Variants in OR7C1 observed in about 807,000 individuals in gnomAD.
OR7C1 encodes olfactory receptor family 7 subfamily C member 1.
For missense variants in OR7C1, 324 were observed against 383.3 expected (o/e 0.85, Z 1.29); for synonymous variants, 152 against 160.7 (o/e 0.95, Z 0.41).
intron 1 of OR7C1, chr19:14,827,565 T>C (rs1266268683): frequency 3.7e-6 from 6 of 1,613,990 alleles, no homozygotes; most frequent in South Asian, 1.1e-5. Context: ...TGAGATTGCA[T>C]GTATGGAAGA....
At chr19:14,831,731 C>T (rs1224036961) in intron 1 of OR7C1, among the ~76,000 whole-genome samples, 2 of 149,814 alleles carry the variant, frequency 1.3e-5, no homozygotes, top group African/African-American at 2.5e-5. Context: ...GCGTGAGCCA[C>T]CGCGCCTGGC....
chr19:14,824,561 T>C (rs1599922046), intron 1 of OR7C1: 1 of 152,332 alleles, frequency 6.6e-6, no homozygotes, highest in East Asian at 1.9e-4. Context: ...TGTTTTTTTC[T>C]TTTTTATGGC....
At chr19:14,831,164 T>C (rs1254792224) in intron 1 of OR7C1, among the ~76,000 whole-genome samples, 5 of 152,146 alleles carry the variant, frequency 3.3e-5, no homozygotes, top group Admixed American at 6.5e-5. Flanking sequence ...CTGCTACCCA[T>C]GACAAAAACT....
chr19:14,801,972 G>A (rs1324409967), intron 2 of OR7C1, among the ~76,000 whole-genome samples: 3 of 152,188 alleles, frequency 2.0e-5, no homozygotes, highest in Non-Finnish European at 2.9e-5. Context: ...AATTCGAGAT[G>A]AGATTTGGGT....
chr19:14,799,374 C>T, exon 5 of OR7C1: 1 of 1,614,126 alleles, frequency 6.2e-7, no homozygotes, highest in Non-Finnish European at 8.5e-7. Flanking sequence ...ACCCCAAAGC[C>T]CGTGCCATAG....
intron 1 of OR7C1, among the ~76,000 whole-genome samples, chr19:14,811,523 C>T (rs950796206): frequency 6.6e-6 from 1 of 151,966 alleles, no homozygotes; most frequent in Non-Finnish European, 1.5e-5. Context: ...TGTAAAGACT[C>T]TTCATCCAAA....
intron 1 of OR7C1, chr19:14,827,383 G>T (rs1389129365): frequency 1.2e-6 from 2 of 1,613,456 alleles, no homozygotes; most frequent in Non-Finnish European, 1.7e-6. Flanking sequence ...TAGATAAAGG[G>T]GTTCAGCATG....
At chr19:14,828,228 T>C in intron 1 of OR7C1, 3 of 1,611,086 alleles carry the variant, frequency 1.9e-6, no homozygotes, top group Non-Finnish European at 2.5e-6. Context: ...TTGTGTATCA[T>C]TTCCTGGTTC....
chr19:14,805,862 A>G (rs1313153683), intron 2 of OR7C1, among the ~76,000 whole-genome samples: 1 of 151,878 alleles, frequency 6.6e-6, no homozygotes, highest in African/African-American at 2.4e-5. Context: ...AGCTATTTTT[A>G]TTATCCCATT....
At chr19:14,809,534 A>G (rs1232081394) in intron 2 of OR7C1, among the ~76,000 whole-genome samples, 1 of 151,740 alleles carries the variant, frequency 6.6e-6, no homozygotes, top group Non-Finnish European at 1.5e-5. Context: ...AGAAACAGAG[A>G]TTGGAAGCAA....
rs2044688118 is a variant in OR7C1, at chr19:14,810,882, T to C, written c.-622-889A>G. On this transcript the variant is annotated intron_variant, in intron 1 of 4. Transcript: ENST00000641666. ...TCTTCATCTGGGCTAAACACATTCA[T>C]ATTTTTAATCCACATGATCTAATTT... Among the ~76,000 whole-genome samples, 2 of 151,650 alleles carry C rather than the reference T, an allele frequency of 1.3e-5. 1 individual carries two copies. The highest frequency in any genetic ancestry group is 4.9e-5 in the African/African-American group (2 of 41,226).
intron 1 of OR7C1, among the ~76,000 whole-genome samples, chr19:14,829,280 T>C (rs1452116640): frequency 6.6e-6 from 1 of 152,244 alleles, no homozygotes; most frequent in Non-Finnish European, 1.5e-5. Context: ...CTCAGATCAC[T>C]GCAACCTCCA....
intron 2 of OR7C1, among the ~76,000 whole-genome samples, chr19:14,806,122 A>G (rs1206236098): frequency 6.6e-6 from 1 of 151,918 alleles, no homozygotes; most frequent in Non-Finnish European, 1.5e-5. Flanking sequence ...GACAAGGTTT[A>G]CTGCTATTTT....
chr19:14,809,075 T>C (rs8112045), intron 2 of OR7C1, among the ~76,000 whole-genome samples: 24,933 of 151,994 alleles, frequency 0.16, 2,233 homozygotes, highest in Non-Finnish European at 0.18. Context: ...ATCAATGGTG[T>C]GTTTCGAGTG....
Position 14,804,294 on chromosome 19 carries a change from T to A in OR7C1, c.-434-3530A>T, listed in dbSNP as rs373027009. ...CTGTTTAAGGAAATCTCTTATCAAA[T>A]CACTCTCTGGCCATTAAGCTAACAG... On this transcript the variant is annotated intron_variant, in intron 2 of 4. Transcript: ENST00000641666. 1.4e-4 allele frequency among the ~76,000 whole-genome samples: 21 copies of A among 152,294 alleles called. 1 individual carries two copies. Among genetic ancestry groups the A allele is most frequent in the African/African-American group, 5.1e-4 (21 of 41,562 alleles).
intron 1 of OR7C1, among the ~76,000 whole-genome samples, chr19:14,811,698 G>A (rs114543978): frequency 1.8e-4 from 28 of 152,068 alleles, no homozygotes; most frequent in African/African-American, 6.0e-4. Flanking sequence ...CCAGCTTAGA[G>A]GGTAGATTCA....
At position 14,800,154 on chromosome 19, in the gene OR7C1, C is replaced by T. The variant is rs1264552493; in HGVS notation, c.-13-5G>A. On this transcript the variant is annotated splice_region_variant and splice_polypyrimidine_tract_variant and intron_variant, in intron 4 of 4. Transcript: ENST00000641666. ...GTTTCCATGGGGATAAAATAACTGC[C>T]ACAAGAGAGAAAAAAGCAACAGTCA... is the stretch of plus-strand genomic sequence containing the variant. 4 of 1,520,580 alleles carry T rather than the reference C, an allele frequency of 2.6e-6. No homozygotes were observed. The highest frequency in any genetic ancestry group is 1.8e-4 in the Middle Eastern group (1 of 5,588). 94.2% of individuals were successfully genotyped at this position (1,520,580 alleles called of 1,614,324 possible).
At chr19:14,818,403 T>C (rs1397340048) in intron 1 of OR7C1, among the ~76,000 whole-genome samples, 2 of 152,176 alleles carry the variant, frequency 1.3e-5, no homozygotes, top group Admixed American at 6.5e-5. Context: ...TGATAAGTCA[T>C]ACATTTTAAA....
At chr19:14,824,862 G>C (rs1450459039) in intron 1 of OR7C1, 3 of 152,168 alleles carry the variant, frequency 2.0e-5, no homozygotes, top group African/African-American at 4.8e-5. Context: ...TGGATATTAT[G>C]CTCATGAAAT....
Sources: allele counts gnomAD v4.1 joint callset (sites outside exome capture counted in the v4.1 genomes callset), GRCh38; gene constraint gnomAD v4.1.1; transcripts MANE v1.5; gene names NCBI Gene and HGNC (gene_info 2026-07-23, HGNC 2026-07-21).